ADCYAP1R1: variants seen among roughly 807,000 people sequenced by gnomAD.
ADCYAP1R1 encodes ADCYAP receptor type I, also known as pituitary adenylate cyclase-activating polypeptide type I receptor.
In ADCYAP1R1, 44 loss-of-function variants were observed where a neutral mutation model predicts 67.6. The observed-to-expected ratio is 0.65, with a 90% CI of 0.51 to 0.84. The LOEUF is 0.84. Among genes scored for constraint, ADCYAP1R1 ranks in the 40% least tolerant of loss-of-function variants. ADCYAP1R1 has a pLI of 0.00. For synonymous variants in ADCYAP1R1, 222 were observed against 219.6 expected (o/e 1.01, Z -0.10); for missense variants, 477 against 587.9 (o/e 0.81, Z 1.95).
At chr7:31,072,331 G>C (rs773293306) in intron 3 of ADCYAP1R1, among the ~76,000 whole-genome samples, 5 of 152,142 alleles carry the variant, frequency 3.3e-5, no homozygotes, top group Non-Finnish European at 5.9e-5. Flanking sequence ...AAGGCAGGCT[G>C]TGGAAGCTTA....
At chr7:31,083,280 A>G (rs889951765) in intron 6 of ADCYAP1R1, among the ~76,000 whole-genome samples, 1 of 152,202 alleles carries the variant, frequency 6.6e-6, no homozygotes, top group African/African-American at 2.4e-5. Flanking sequence ...GCTCACCATT[A>G]TAAACCATCG....
At chr7:31,073,704 T>C (rs1795084600) in intron 3 of ADCYAP1R1, among the ~76,000 whole-genome samples, 1 of 152,024 alleles carries the variant, frequency 6.6e-6, no homozygotes, top group Non-Finnish European at 1.5e-5. Context: ...AGGTGGTAAC[T>C]GCAAGAGAAA....
At chr7:31,056,511 A>G (rs1184705146) in intron 1 of ADCYAP1R1, among the ~76,000 whole-genome samples, 1 of 151,782 alleles carries the variant, frequency 6.6e-6, no homozygotes, top group African/African-American at 2.4e-5. Context: ...CTCCTCCTGA[A>G]ATTTCCTTCC....
At chr7:31,070,843 C>T (rs1369385244) in intron 3 of ADCYAP1R1, among the ~76,000 whole-genome samples, 1 of 152,178 alleles carries the variant, frequency 6.6e-6, no homozygotes, top group African/African-American at 2.4e-5. Flanking sequence ...ATCTGCATTT[C>T]CAGCAAGTTC....
chr7:31,070,599 A>C (rs775915272), intron 3 of ADCYAP1R1, among the ~76,000 whole-genome samples: 5 of 152,222 alleles, frequency 3.3e-5, no homozygotes, highest in Non-Finnish European at 7.3e-5. Context: ...TGGGCCTCTC[A>C]GCTGCTCTGA....
At chr7:31,081,376 G>A (rs557343088) in intron 5 of ADCYAP1R1, among the ~76,000 whole-genome samples, 111 of 152,182 alleles carry the variant, frequency 7.3e-4, no homozygotes, top group Admixed American at 1.4e-3. Flanking sequence ...TTTTTGAAAA[G>A]GCCCAACCAT....
At chr7:31,095,613 A>G in intron 13 of ADCYAP1R1, 1 of 716,848 alleles carries the variant, frequency 1.4e-6, no homozygotes, top group South Asian at 1.5e-5. Context: ...GGGGCCAAGA[A>G]GCCCCTTCAG....
chr7:31,100,059 T>G (rs1174101382), intron 13 of ADCYAP1R1: 1 of 1,467,272 alleles, frequency 6.8e-7, no homozygotes, highest in East Asian at 2.5e-5. Flanking sequence ...CTGCTTTCCC[T>G]GTAAACTGAG....
intron 4 of ADCYAP1R1, among the ~76,000 whole-genome samples, 156 bp downstream of exon 4, chr7:31,078,254 G>A (rs1012295162): frequency 2.0e-5 from 3 of 152,148 alleles, no homozygotes; most frequent in African/African-American, 7.2e-5. Context: ...ACAGACACTT[G>A]CACACACGGG....
rs1239875049 is a variant in ADCYAP1R1, at chr7:31,086,485, G to C, written c.771G>C (p.Glu257Asp). 1 of 1,614,244 alleles carries C rather than the reference G, an allele frequency of 6.2e-7. No homozygotes were observed. The highest frequency in any genetic ancestry group is 8.5e-7 in the Non-Finnish European group (1 of 1,180,050). The change falls in exon 10 of 16, where the codon GAG (glutamate) becomes GAC (aspartate). Residue 257 changes from glutamate to aspartate, a missense_variant. Coordinates refer to ENST00000304166, the MANE Select transcript of ADCYAP1R1 (RefSeq NM_001118.5). This position sits in a 1 kb window ranked among gnomAD's most constrained non-coding sequence, Gnocchi z 5.0. ...EGLYLFTLLV[E>D]TFFPERRYFY... ...TGTACCTCTTCACTCTGCTGGTGGA[G>C]ACCTTCTTCCCTGAAAGGAGATACT...
chr7:31,106,733 AG>A lies in ADCYAP1R1; in HGVS notation c.*51del, dbSNP rs1562662124. The A allele has an allele frequency of 1.3e-6, 2 of 1,523,882 alleles. No homozygotes were observed. The highest frequency in any genetic ancestry group is 1.8e-6 in the Non-Finnish European group (2 of 1,133,720). The allele number at this position is 1,523,882 out of a possible 1,614,324, so 94.4% of individuals were successfully genotyped here. A position where few individuals can be genotyped will look rare whatever the true frequency, so the allele number is the denominator to read the frequency against. On this transcript the variant is annotated 3_prime_UTR_variant, in exon 16 of 16. Coordinates refer to ENST00000304166, the MANE Select transcript of ADCYAP1R1 (RefSeq NM_001118.5). The stretch of plus-strand genomic sequence containing the variant: ...TCCTCCATCCACAGGCTGGGACCGC[AG>A]GCAGGTGCCAGCCCACGCATGTTTG...
chr7:31,078,281 G>C (rs1254338971), intron 4 of ADCYAP1R1, among the ~76,000 whole-genome samples, 183 bp downstream of exon 4: 4 of 151,988 alleles, frequency 2.6e-5, no homozygotes, highest in Non-Finnish European at 5.9e-5. Context: ...GGTACACATG[G>C]GAACCATCGT....
intron 1 of ADCYAP1R1, among the ~76,000 whole-genome samples, chr7:31,060,092 C>T (rs763124665): frequency 2.7e-5 from 4 of 148,216 alleles, no homozygotes; most frequent in Non-Finnish European, 3.0e-5. Context: ...AGCAGCCTGG[C>T]GATGAAGCAG....
intron 14 of ADCYAP1R1, among the ~76,000 whole-genome samples, chr7:31,104,281 G>T (rs1351342595): frequency 2.0e-5 from 3 of 152,222 alleles, no homozygotes; most frequent in Non-Finnish European, 4.4e-5. Context: ...AGGGCACAGG[G>T]ATTGCAAGGA....
At chr7:31,061,607 G>A (rs539152473) in intron 1 of ADCYAP1R1, among the ~76,000 whole-genome samples, 1 of 152,314 alleles carries the variant, frequency 6.6e-6, no homozygotes, top group South Asian at 2.1e-4. Flanking sequence ...AGCATCTCTT[G>A]GGATATCTGA....
chr7:31,077,507 A>T (rs1795304207), intron 3 of ADCYAP1R1, among the ~76,000 whole-genome samples: 1 of 118,704 alleles, frequency 8.4e-6, no homozygotes, highest in Non-Finnish European at 1.7e-5. Flanking sequence ...TGTATGTGGT[A>T]TATGTGGTGT....
intron 4 of ADCYAP1R1, among the ~76,000 whole-genome samples, chr7:31,078,725 C>T (rs998619834): frequency 9.2e-5 from 14 of 152,162 alleles, no homozygotes; most frequent in African/African-American, 3.1e-4. Context: ...ATTTTCTGGG[C>T]CCTAGCTGCC....
intron 12 of ADCYAP1R1, 24 bp from the exon 13 acceptor site, chr7:31,092,619 TG>T (rs1160752456): frequency 1.9e-6 from 3 of 1,559,402 alleles, no homozygotes; most frequent in South Asian, 2.2e-5. Context: ...CATGTCCATC[TG>T]CTTTTTTTTT....
chr7:31,086,801 C>T lies in ADCYAP1R1; in HGVS notation c.824-142C>T, dbSNP rs1355821858. On this transcript the variant is annotated intron_variant, in intron 10 of 15. Coordinates refer to ENST00000304166, the MANE Select transcript of ADCYAP1R1 (RefSeq NM_001118.5). This position sits in a 1 kb window ranked among gnomAD's most constrained non-coding sequence, Gnocchi z 5.0. ...AGGGAGATATAGACCCTCAGGAGGC[C>T]TGGGTGTGAGGGACAGTTAGAATTC... The T allele has an allele frequency of 1.0e-6, 1 of 986,524 alleles. No individual in the cohort carries two copies. The highest frequency in any genetic ancestry group is 1.6e-6 in the Non-Finnish European group (1 of 628,430). The allele number at this position is 986,524 out of a possible 1,614,324, so 61.1% of individuals were successfully genotyped here.
Sources: allele counts gnomAD v4.1 joint callset (sites outside exome capture counted in the v4.1 genomes callset), GRCh38; gene constraint gnomAD v4.1.1; non-coding constraint Gnocchi (gnomAD v3.1); transcripts MANE v1.5; gene names NCBI Gene and HGNC (gene_info 2026-07-23, HGNC 2026-07-21).